PDE1C: variants seen among roughly 807,000 people sequenced by gnomAD.
The protein encoded by PDE1C is phosphodiesterase 1C, also known as dual specificity calcium/calmodulin-dependent 3',5'-cyclic nucleotide phosphodiesterase 1C.
In PDE1C, 62 loss-of-function variants were observed where a neutral mutation model predicts 93.1. The observed-to-expected ratio is 0.67, with a 90% CI of 0.54 to 0.82. PDE1C has a LOEUF of 0.82. Among genes scored for constraint, PDE1C ranks in the 40% least tolerant of loss-of-function variants. PDE1C has a pLI of 0.00. For synonymous variants in PDE1C, 325 were observed against 310.1 expected (o/e 1.05, Z -0.50); for missense variants, 742 against 884.6 (o/e 0.84, Z 2.04).
chr7:32,163,016 G>T (rs1034011201), intron 3 of PDE1C, among the ~76,000 whole-genome samples: 6 of 152,138 alleles, frequency 3.9e-5, no homozygotes, highest in African/African-American at 1.4e-4. Context: ...ACTTCTCTAG[G>T]CTTTAAAAAT....
chr7:31,961,755 T>C (rs1185491889), intron 2 of PDE1C, among the ~76,000 whole-genome samples: 1 of 152,124 alleles, frequency 6.6e-6, no homozygotes, highest in Admixed American at 6.6e-5. Context: ...TACATGAACA[T>C]ACATACATAA....
At chr7:32,228,559 G>A (rs1807461893) in intron 1 of PDE1C, among the ~76,000 whole-genome samples, 1 of 152,182 alleles carries the variant, frequency 6.6e-6, no homozygotes, top group South Asian at 2.1e-4. Flanking sequence ...CAGAGCTGGT[G>A]CTCTTTCCAG....
chr7:31,911,584 C>T (rs1233459837), intron 2 of PDE1C, among the ~76,000 whole-genome samples: 1 of 152,214 alleles, frequency 6.6e-6, no homozygotes, highest in Non-Finnish European at 1.5e-5. Flanking sequence ...TGGATCTTCA[C>T]TTCTGCCCAT....
At chr7:31,762,344 A>AT (rs906267015) in intron 17 of PDE1C, among the ~76,000 whole-genome samples, 1 of 152,008 alleles carries the variant, frequency 6.6e-6, no homozygotes, top group African/African-American at 2.4e-5. Context: ...CATTATCTAC[A>AT]TTTTTTATTT....
chr7:31,920,367 G>C (rs960916675), intron 2 of PDE1C, among the ~76,000 whole-genome samples: 3 of 152,038 alleles, frequency 2.0e-5, no homozygotes, highest in African/African-American at 7.2e-5. Flanking sequence ...TTCTGCTCCT[G>C]TCTCTCCAGC....
chr7:31,913,728 G>T (rs1273075288), intron 2 of PDE1C, among the ~76,000 whole-genome samples: 1 of 152,192 alleles, frequency 6.6e-6, no homozygotes, highest in Non-Finnish European at 1.5e-5. Flanking sequence ...CATCCCCTTT[G>T]AAGGACCAAG....
intron 1 of PDE1C, among the ~76,000 whole-genome samples, chr7:32,056,515 G>A (rs1186274703): frequency 6.6e-6 from 1 of 151,996 alleles, no homozygotes; most frequent in Non-Finnish European, 1.5e-5. Flanking sequence ...TGTCCGACAG[G>A]CTGCATGACC....
chr7:31,642,588 C>T, the PDE1C span: 1 of 1,134,544 alleles, frequency 8.8e-7, no homozygotes, highest in Non-Finnish European at 1.2e-6. Flanking sequence ...TATCTCCTGA[C>T]TCCTAAGGCA....
chr7:32,373,635 T>G (rs1784370079), intron 1 of PDE1C, among the ~76,000 whole-genome samples: 1 of 152,230 alleles, frequency 6.6e-6, no homozygotes, highest in Admixed American at 6.5e-5. Context: ...GGTATGTGAA[T>G]TATATCTCAA....
chr7:31,747,691 A>T (rs1794034761), downstream of PDE1C, among the ~76,000 whole-genome samples: 1 of 152,052 alleles, frequency 6.6e-6, no homozygotes, highest in African/African-American at 2.4e-5. Flanking sequence ...TTTATGGGCA[A>T]GTTGGTGGGC....
the PDE1C span, among the ~76,000 whole-genome samples, chr7:31,720,019 CG>C: frequency 6.6e-6 from 1 of 150,592 alleles, no homozygotes; most frequent in Non-Finnish European, 1.5e-5. Context: ...AAAAATTAGC[CG>C]GGCGCGGTGG....
chr7:31,814,446 AT>A (rs1374093697), intron 15 of PDE1C, among the ~76,000 whole-genome samples: 3 of 151,922 alleles, frequency 2.0e-5, no homozygotes, highest in Non-Finnish European at 4.4e-5. Flanking sequence ...AACTGAAGTA[AT>A]TTTTGCAAGG....
At chr7:31,761,429 G>A (rs953183458) in intron 17 of PDE1C, among the ~76,000 whole-genome samples, 1 of 152,156 alleles carries the variant, frequency 6.6e-6, no homozygotes, top group Non-Finnish European at 1.5e-5. Context: ...CTTTAAAATA[G>A]TTTGTGGCAA....
chr7:31,890,834 G>A (rs910864090), intron 2 of PDE1C, among the ~76,000 whole-genome samples: 1 of 151,548 alleles, frequency 6.6e-6, no homozygotes, highest in Non-Finnish European at 1.5e-5. Context: ...AAACCTCAAA[G>A]AAAACCGTGA....
chr7:32,071,040 G>A, upstream of PDE1C: 1 of 985,416 alleles, frequency 1.0e-6, no homozygotes, highest in Non-Finnish European at 1.2e-6. Context: ...TCAGCGCCCG[G>A]GCTGGTGTCT....
intron 2 of PDE1C, among the ~76,000 whole-genome samples, chr7:31,884,064 C>T (rs1321819904): frequency 6.6e-6 from 1 of 152,164 alleles, no homozygotes; most frequent in East Asian, 1.9e-4. Flanking sequence ...TTATATGTAA[C>T]CCTGTCTTTC....
chr7:31,755,365 G>T (rs1458021207), intron 17 of PDE1C, among the ~76,000 whole-genome samples: 1 of 152,170 alleles, frequency 6.6e-6, no homozygotes, highest in South Asian at 2.1e-4. Flanking sequence ...AGCTGAAGGG[G>T]AGGGGGTCTA....
the PDE1C span, among the ~76,000 whole-genome samples, chr7:31,698,976 A>G: frequency 6.6e-6 from 1 of 152,308 alleles, no homozygotes; most frequent in Non-Finnish European, 1.5e-5. Flanking sequence ...AGTGCCTACT[A>G]TGTGCCAGGC....
the PDE1C span, among the ~76,000 whole-genome samples, chr7:31,715,041 G>T: frequency 6.6e-6 from 1 of 152,164 alleles, no homozygotes; most frequent in African/African-American, 2.4e-5. Flanking sequence ...AACTGGTTAT[G>T]TAGCATGAGG....
Sources: gnomAD v4.1 joint callset for allele counts (sites outside exome capture counted in the v4.1 genomes callset) on GRCh38, gnomAD v4.1.1 for gene constraint, MANE v1.5 for transcripts, NCBI Gene and HGNC (gene_info 2026-07-23, HGNC 2026-07-21) for gene names.